The following PBX3 variants were observed in gnomAD, a reference collection of about 807,000 sequenced individuals.
PBX3 encodes pre-B-cell leukemia transcription factor 3.
A neutral mutation model predicts 48.5 loss-of-function variants in PBX3; 14 were observed. That is an observed-to-expected ratio of 0.29 (90% confidence interval 0.19 to 0.45). The LOEUF (loss-of-function observed/expected upper bound fraction) is 0.45, where lower values mean the gene tolerates loss of function less well. PBX3 is among the 20% of genes least tolerant of loss of function. PBX3 has a pLI of 1.00. For synonymous variants in PBX3, 210 were observed against 200.3 expected (o/e 1.05, Z -0.41); for missense variants, 386 against 546.7 (o/e 0.71, Z 2.93).
chr9:125,833,327 T>C (rs902185817), intron 2 of PBX3, among the ~76,000 whole-genome samples: 1 of 151,586 alleles, frequency 6.6e-6, no homozygotes, highest in Non-Finnish European at 1.5e-5. Flanking sequence ...CTACTAAAAA[T>C]AGAAAAATTA....
intron 5 of PBX3, among the ~76,000 whole-genome samples, chr9:125,948,288 C>T (rs1842108371): frequency 6.6e-6 from 1 of 152,188 alleles, no homozygotes; most frequent in Admixed American, 6.5e-5. Context: ...CTGCAGAATA[C>T]ACATTCTAAT....
At chr9:125,787,107 A>G (rs1465422625) in intron 2 of PBX3, among the ~76,000 whole-genome samples, 2 of 152,064 alleles carry the variant, frequency 1.3e-5, no homozygotes, top group East Asian at 1.9e-4. Context: ...TAGCATGATC[A>G]TGGCTCACTG....
intron 2 of PBX3, among the ~76,000 whole-genome samples, chr9:125,766,754 A>G (rs1360325499): frequency 2.0e-5 from 3 of 152,126 alleles, no homozygotes; most frequent in African/African-American, 4.8e-5. Context: ...TGAGTTTTCT[A>G]TCTATAAGGT....
chr9:125,802,271 C>G (rs916890436), intron 2 of PBX3, among the ~76,000 whole-genome samples: 8 of 151,324 alleles, frequency 5.3e-5, no homozygotes, highest in African/African-American at 1.9e-4. Flanking sequence ...CCACCCACCC[C>G]TCTCTAGTAG....
In PBX3 at chr9:125,878,225, G is replaced by A. The variant is rs1426365916; in HGVS notation, c.275-37461G>A. Among the ~76,000 whole-genome samples the A allele has an allele frequency of 3.3e-5, 5 of 152,222 alleles. No individual in the cohort carries two copies. The East Asian group carries it at 9.6e-4, about 29-fold the overall frequency. On this transcript the variant is annotated intron_variant, in intron 2 of 8. Coordinates refer to ENST00000373489, the MANE Select transcript of PBX3 (RefSeq NM_006195.6). The stretch of plus-strand genomic sequence containing the variant: ...AGAAGAGCTGCACATCAGTTAGAAT[G>A]CTAATTCACTCAACTGGCAGCAAGC...
intron 2 of PBX3, 168 bp downstream of exon 2, chr9:125,748,791 A>G (rs1173919215): frequency 9.2e-6 from 5 of 542,078 alleles, no homozygotes; most frequent in Non-Finnish European, 1.7e-5. Flanking sequence ...ATCTGGAGTC[A>G]ATTTCTCAGT....
chr9:125,887,552 T>C (rs1191146951), intron 2 of PBX3, among the ~76,000 whole-genome samples: 1 of 152,192 alleles, frequency 6.6e-6, no homozygotes, highest in Non-Finnish European at 1.5e-5. Context: ...CAATTCTGCC[T>C]TTGCACACAA....
chr9:125,770,115 TG>T (rs1016347699), intron 2 of PBX3, among the ~76,000 whole-genome samples: 2 of 152,166 alleles, frequency 1.3e-5, no homozygotes, highest in African/African-American at 2.4e-5. Context: ...ATTTGGATGG[TG>T]GGGGGGATGT....
chr9:125,789,511 G>C (rs1250471124), intron 2 of PBX3, among the ~76,000 whole-genome samples: 1 of 152,180 alleles, frequency 6.6e-6, no homozygotes, highest in Non-Finnish European at 1.5e-5. Context: ...CCCCATTTTA[G>C]GGCAGCTTAC....
At chr9:125,826,305 T>A (rs759053530) in intron 2 of PBX3, among the ~76,000 whole-genome samples, 2 of 152,200 alleles carry the variant, frequency 1.3e-5, no homozygotes, top group African/African-American at 2.4e-5. Context: ...TATTCTCATA[T>A]CTTGATTATT....
chr9:125,905,141 A>T (rs1199089430), intron 2 of PBX3, among the ~76,000 whole-genome samples: 1 of 151,990 alleles, frequency 6.6e-6, no homozygotes, highest in African/African-American at 2.4e-5. Flanking sequence ...ACAAGGGAAG[A>T]TGTAAATTTA....
At chr9:125,925,840 A>G (rs1013516780) in intron 3 of PBX3, among the ~76,000 whole-genome samples, 1 of 152,220 alleles carries the variant, frequency 6.6e-6, no homozygotes. Context: ...GGCCAAATTT[A>G]TTTGGGAAAA....
chr9:125,893,096 C>A (rs1013847281), intron 2 of PBX3, among the ~76,000 whole-genome samples: 1 of 152,166 alleles, frequency 6.6e-6, no homozygotes, highest in Non-Finnish European at 1.5e-5. Flanking sequence ...AATGGTGCAA[C>A]CTACCCAATG....
intron 2 of PBX3, among the ~76,000 whole-genome samples, chr9:125,806,454 AG>A (rs1445790814): frequency 2.0e-5 from 3 of 152,222 alleles, no homozygotes; most frequent in Non-Finnish European, 4.4e-5. Context: ...GTGTCTGGTC[AG>A]GGCCAGGCTT....
chr9:125,761,985 A>T (rs976251139), intron 2 of PBX3, among the ~76,000 whole-genome samples: 5 of 152,200 alleles, frequency 3.3e-5, no homozygotes, highest in Non-Finnish European at 7.4e-5. Flanking sequence ...CCTCATATTA[A>T]GGCAAAAATG....
At chr9:125,890,164 G>T (rs1015915545) in intron 2 of PBX3, among the ~76,000 whole-genome samples, 3 of 152,196 alleles carry the variant, frequency 2.0e-5, no homozygotes, top group Non-Finnish European at 2.9e-5. Context: ...CATCTGGGCT[G>T]CTGCCGACTC....
At chr9:125,827,638 C>T (rs1395178009) in intron 2 of PBX3, among the ~76,000 whole-genome samples, 1 of 152,168 alleles carries the variant, frequency 6.6e-6, no homozygotes, top group East Asian at 1.9e-4. Flanking sequence ...ACATGTACTG[C>T]ATTGATTTTG....
In PBX3 at chr9:125,815,406, G is replaced by A. The variant is rs370967698; in HGVS notation, c.274+66783G>A. Among the ~76,000 whole-genome samples, 15 of 152,038 alleles carry A rather than the reference G, an allele frequency of 9.9e-5. No homozygotes were observed. The South Asian group carries it at 2.9e-3, about 30-fold the overall frequency. ...CTGTATATCATTTTTCCATGGTAAG[G>A]AATTTGGCTTATTTATATAATCTCC... On this transcript the variant is annotated intron_variant, in intron 2 of 8. Coordinates refer to ENST00000373489, the MANE Select transcript of PBX3 (RefSeq NM_006195.6).
intron 8 of PBX3, among the ~76,000 whole-genome samples, chr9:125,964,101 A>T (rs1298369478): frequency 6.6e-6 from 1 of 152,210 alleles, no homozygotes; most frequent in East Asian, 1.9e-4. Flanking sequence ...TGAAACTGTG[A>T]TTGCCTGCAG....
Sources: allele counts gnomAD v4.1 joint callset (sites outside exome capture counted in the v4.1 genomes callset), GRCh38; gene constraint gnomAD v4.1.1; transcripts MANE v1.5; gene names NCBI Gene and HGNC (gene_info 2026-07-23, HGNC 2026-07-21).